KANSL1: variants seen among roughly 807,000 people sequenced by gnomAD.
The protein encoded by KANSL1 is MLL1/MLL complex subunit KANSL1.
Under a neutral mutation model 103.6 loss-of-function variants are expected in KANSL1, and 22 were observed. That is an observed-to-expected ratio of 0.21 (90% CI 0.15 to 0.30). The LOEUF (loss-of-function observed/expected upper bound fraction) is 0.30. KANSL1 is among the 10% of genes least tolerant of loss of function. KANSL1 has a pLI of 1.00. For synonymous variants in KANSL1, 600 were observed against 527.6 expected (o/e 1.14, Z -1.88); for missense variants, 1,337 against 1,399.8 (o/e 0.96, Z 0.72).
chr17:46,094,543 A>T lies in KANSL1; in HGVS notation c.1431+17T>A, dbSNP rs2041981286. 4 of 1,603,902 alleles carry T rather than the reference A, an allele frequency of 2.5e-6. No individual in the cohort carries two copies. The East Asian group carries it at 9.0e-5, about 36-fold the overall frequency. ...GTTTTCGGCAGCATTTAAAAACATC[A>T]GATACTTATCCCTTACCTTATTAGC... On this transcript the variant is annotated intron_variant, in intron 3 of 14. Coordinates refer to ENST00000432791, the MANE Select transcript of KANSL1 (RefSeq NM_015443.4).
At chr17:46,104,923 C>T (rs1433629260) in intron 2 of KANSL1, among the ~76,000 whole-genome samples, 2 of 152,228 alleles carry the variant, frequency 1.3e-5, no homozygotes, top group African/African-American at 4.8e-5. Context: ...TCAAGCGAAT[C>T]TCCTGCCTCA....
intron 2 of KANSL1, among the ~76,000 whole-genome samples, chr17:46,169,238 A>G (rs574330720): frequency 2.7e-4 from 41 of 152,398 alleles, no homozygotes; most frequent in African/African-American, 8.7e-4. Flanking sequence ...CTACTAATCC[A>G]TTTAAAGAAA....
chr17:46,071,814 CTCAGGGTTTAT>C (rs2078586930), intron 4 of KANSL1, among the ~76,000 whole-genome samples: 1 of 151,818 alleles, frequency 6.6e-6, no homozygotes, highest in African/African-American at 2.4e-5. Context: ...TTGAGATGAA[CTCAGGGTTTAT>C]GCATCCCACA....
intron 11 of KANSL1, 116 bp from the exon 12 acceptor site, chr17:46,033,576 C>T: frequency 1.2e-6 from 1 of 832,358 alleles, no homozygotes; most frequent in Non-Finnish European, 2.0e-6. Flanking sequence ...CTGCTCTCTG[C>T]CGGGTAGGCT....
chr17:46,200,902 G>C (rs1039785676), intron 1 of KANSL1, among the ~76,000 whole-genome samples: 5 of 151,934 alleles, frequency 3.3e-5, no homozygotes, highest in South Asian at 2.1e-4. Context: ...TCTTGGAAAG[G>C]GAATTACTTT....
intron 1 of KANSL1, among the ~76,000 whole-genome samples, chr17:46,198,930 AG>A (rs1467678090): frequency 6.6e-6 from 1 of 152,258 alleles, no homozygotes; most frequent in African/African-American, 2.4e-5. Flanking sequence ...ATTAAGCTCA[AG>A]AATTTATTCT....
At chr17:46,102,303 G>A (rs1007104539) in intron 2 of KANSL1, among the ~76,000 whole-genome samples, 9 of 152,128 alleles carry the variant, frequency 5.9e-5, no homozygotes, top group Non-Finnish European at 1.2e-4. Context: ...AGGCTGGAGT[G>A]CAGAGGCACG....
intron 1 of KANSL1, among the ~76,000 whole-genome samples, chr17:46,214,419 T>C (rs527394897): frequency 5.3e-5 from 8 of 152,300 alleles, no homozygotes; most frequent in African/African-American, 1.4e-4. Context: ...TTTGGGAGGC[T>C]GAGGGGGGTG....
intron 3 of KANSL1, among the ~76,000 whole-genome samples, chr17:46,090,973 T>A (rs1391725855): frequency 6.6e-6 from 1 of 152,268 alleles, no homozygotes; most frequent in Non-Finnish European, 1.5e-5. Context: ...ACTATACTTT[T>A]AATCGTTATT....
At chr17:46,206,442 T>A (rs1240434709) in intron 1 of KANSL1, among the ~76,000 whole-genome samples, 1 of 152,238 alleles carries the variant, frequency 6.6e-6, no homozygotes, top group African/African-American at 2.4e-5. Context: ...ATGGTCTTTT[T>A]AAGCCAAGTG....
intron 2 of KANSL1, among the ~76,000 whole-genome samples, chr17:46,097,453 T>C (rs2042134543): frequency 6.6e-6 from 1 of 152,232 alleles, no homozygotes; most frequent in Non-Finnish European, 1.5e-5. Context: ...TGAATATATT[T>C]TAAAATGCCT....
upstream of KANSL1, among the ~76,000 whole-genome samples, chr17:46,194,169 G>A (rs758333308): frequency 1.2e-4 from 19 of 152,252 alleles, no homozygotes; most frequent in Non-Finnish European, 2.6e-4. Flanking sequence ...CGCCGGCGCC[G>A]GGCCCGCTGG....
intron 2 of KANSL1, among the ~76,000 whole-genome samples, chr17:46,163,593 A>G (rs2045855242): frequency 6.6e-6 from 1 of 152,232 alleles, no homozygotes; most frequent in Admixed American, 6.5e-5. Flanking sequence ...TTAAGACTCT[A>G]GTAAAGAACC....
intron 1 of KANSL1, chr17:46,221,901 G>A (rs1412200591): frequency 7.2e-5 from 11 of 152,272 alleles, no homozygotes; most frequent in African/African-American, 2.6e-4. Context: ...AGAGAATAAA[G>A]TTCCCTCTCC....
chr17:46,161,197 G>A (rs917123754), intron 2 of KANSL1, among the ~76,000 whole-genome samples: 2 of 144,590 alleles, frequency 1.4e-5, no homozygotes, highest in Non-Finnish European at 3.0e-5. Flanking sequence ...GGCTGATCAC[G>A]AGGTCAGCAG....
At chr17:46,100,971 T>C (rs17660488) in intron 2 of KANSL1, among the ~76,000 whole-genome samples, 21,682 of 152,042 alleles carry the variant, frequency 0.14, 2,122 homozygotes, top group Non-Finnish European at 0.22. Flanking sequence ...CTGTTCACAG[T>C]GAGCTACACA....
intron 6 of KANSL1, among the ~76,000 whole-genome samples, chr17:46,051,905 G>A (rs1368527803): frequency 6.6e-6 from 1 of 152,178 alleles, no homozygotes; most frequent in Non-Finnish European, 1.5e-5. Flanking sequence ...TAGAGAGGTG[G>A]CACGCAAATA....
intron 2 of KANSL1, among the ~76,000 whole-genome samples, chr17:46,150,116 G>A (rs1386946338): frequency 6.7e-6 from 1 of 148,412 alleles, no homozygotes; most frequent in Non-Finnish European, 1.5e-5. Context: ...ATACTCAAAG[G>A]CTTCCTCCAT....
intron 7 of KANSL1, 142 bp from the exon 8 acceptor site, chr17:46,040,026 C>A (rs552751498): frequency 1.3e-5 from 9 of 690,946 alleles, no homozygotes; most frequent in Non-Finnish European, 9.9e-6. Context: ...GATCTGTTTA[C>A]GTGAACATTA....
Sources: allele counts gnomAD v4.1 joint callset (sites outside exome capture counted in the v4.1 genomes callset), GRCh38; gene constraint gnomAD v4.1.1; transcripts MANE v1.5; gene names NCBI Gene and HGNC (gene_info 2026-07-23, HGNC 2026-07-21).